NAA35: variants seen among roughly 807,000 people sequenced by gnomAD.
NAA35 encodes the protein MAK10 homolog, amino-acid N-acetyltransferase subunit.
NAA35 carries 18 observed loss-of-function variants against 101.7 expected under a neutral mutation model. That is an observed-to-expected ratio of 0.18 (90% CI 0.12 to 0.26). The LOEUF (loss-of-function observed/expected upper bound fraction) is 0.26, where lower values mean the gene tolerates loss of function less well. Ranked by LOEUF, NAA35 falls within the 10% of genes least tolerant of loss-of-function variation. The pLI, the probability that NAA35 is intolerant of heterozygous loss-of-function variation, is 1.00. For synonymous variants in NAA35, 267 were observed against 273.1 expected (o/e 0.98, Z 0.22); for missense variants, 601 against 886.8 (o/e 0.68, Z 4.09).
At chr9:85,986,691 T>C (rs1291816126) in intron 11 of NAA35, 2 of 311,958 alleles carry the variant, frequency 6.4e-6, no homozygotes, top group African/African-American at 4.6e-5. Flanking sequence ...TTCAAATGAT[T>C]CTCTTACCTC....
At chr9:85,950,013 G>A (rs1828943790) in intron 2 of NAA35, among the ~76,000 whole-genome samples, 2 of 152,124 alleles carry the variant, frequency 1.3e-5, no homozygotes, top group Non-Finnish European at 2.9e-5. Flanking sequence ...GATGTGTGAT[G>A]ATGTCATTGC....
intron 5 of NAA35, among the ~76,000 whole-genome samples, chr9:85,961,808 A>C (rs900058363): frequency 1.1e-4 from 17 of 152,172 alleles, no homozygotes; most frequent in African/African-American, 3.6e-4. Flanking sequence ...ATATGTTGCA[A>C]ACTGATTGAT....
chr9:86,012,112 T>C (rs1387488183), intron 15 of NAA35, among the ~76,000 whole-genome samples: 3 of 148,578 alleles, frequency 2.0e-5, no homozygotes, highest in Non-Finnish European at 4.4e-5. Flanking sequence ...ATTTTTAAAC[T>C]TTCCCTTTTT....
At chr9:86,002,400 C>G (rs908905462) in intron 12 of NAA35, among the ~76,000 whole-genome samples, 1 of 152,130 alleles carries the variant, frequency 6.6e-6, no homozygotes, top group African/African-American at 2.4e-5. Flanking sequence ...TGAATGTTGG[C>G]TTCTCTAGCA....
chr9:85,999,591 C>T (rs1831329096), intron 12 of NAA35, among the ~76,000 whole-genome samples: 1 of 152,146 alleles, frequency 6.6e-6, no homozygotes. Flanking sequence ...ATGGCCCATT[C>T]CAGGTACCTT....
chr9:85,962,980 A>G (rs1015687330), intron 6 of NAA35, among the ~76,000 whole-genome samples: 2 of 152,206 alleles, frequency 1.3e-5, no homozygotes, highest in East Asian at 1.9e-4. Flanking sequence ...ATAAGCTTTC[A>G]GACGCTGATA....
chr9:85,949,961 A>T (rs1347111240), intron 2 of NAA35, among the ~76,000 whole-genome samples: 1 of 151,878 alleles, frequency 6.6e-6, no homozygotes, highest in Admixed American at 6.6e-5. Flanking sequence ...TTTGACTGTT[A>T]CTCTCTTGTT....
At chr9:85,978,242 A>T in intron 10 of NAA35, 25 bp from the exon 11 acceptor site, 3 of 1,343,874 alleles carry the variant, frequency 2.2e-6, no homozygotes, top group Non-Finnish European at 3.2e-6. Context: ...ATATGTAAGA[A>T]TGTTTTTGGT....
chr9:85,956,391 G>A lies in NAA35; in HGVS notation c.156G>A (p.Lys52=). The change falls in exon 3 of 23, where the codon AAG becomes AAA. Residue 52 remains lysine (K), a splice_region_variant and synonymous_variant. Transcript: ENST00000361671. ...ELKLGELLHD[K]LFGLFEAMSA... ...AGTTGGGAGAACTACTTCATGATAA[G>A]CTGTAAGTATTTATCCTTTGAAAAT... 2 of 1,407,936 alleles carry A rather than the reference G, an allele frequency of 1.4e-6. No homozygotes were observed. The highest frequency in any genetic ancestry group is 1.9e-6 in the Non-Finnish European group (2 of 1,040,038). The allele number at this position is 1,407,936 out of a possible 1,614,324, so 87.2% of individuals were successfully genotyped here. A position where few individuals can be genotyped will look rare whatever the true frequency, so the allele number is the denominator to read the frequency against.
At chr9:85,963,400 A>C (rs1241960708) in intron 6 of NAA35, among the ~76,000 whole-genome samples, 1 of 150,004 alleles carries the variant, frequency 6.7e-6, no homozygotes, top group Non-Finnish European at 1.5e-5. Flanking sequence ...CCTCCCGGGT[A>C]GCTGGGATTA....
At chr9:86,020,345 A>G (rs866987162) in intron 21 of NAA35, among the ~76,000 whole-genome samples, 3 of 152,300 alleles carry the variant, frequency 2.0e-5, no homozygotes, top group Middle Eastern at 6.8e-3. Flanking sequence ...TGTGCTCCTA[A>G]TACTATGCTG....
intron 22 of NAA35, 42 bp downstream of exon 22, chr9:86,021,011 T>C: frequency 7.0e-7 from 1 of 1,427,832 alleles, no homozygotes. Flanking sequence ...TAGATTATTG[T>C]GAAGTTTCAT....
In NAA35 at chr9:85,972,173, T is replaced by G. The variant is rs138988996; in HGVS notation, c.517-2794T>G. Among the ~76,000 whole-genome samples, 1,074 of 152,240 alleles carry G rather than the reference T, an allele frequency of 7.1e-3. 15 individuals are homozygous for G. Among genetic ancestry groups the G allele is most frequent in the African/African-American group, 0.024 (1,004 of 41,524 alleles). ...ATAAGTTTTATGGATATTTTTGTTT[T>G]GTTGTTTTTCCTCCACAGTGTTTGT... is the stretch of plus-strand genomic sequence containing the variant. On this transcript the variant is annotated intron_variant, in intron 6 of 22. Coordinates refer to ENST00000361671, the MANE Select transcript of NAA35 (RefSeq NM_024635.4).
chr9:85,959,705 A>G, intron 4 of NAA35, 88 bp from the exon 5 acceptor site: 1 of 799,838 alleles, frequency 1.3e-6, no homozygotes, highest in Non-Finnish European at 2.0e-6. Flanking sequence ...TAAATATTGA[A>G]TGTTAGAAAT....
At chr9:85,995,290 ATAAT>A (rs1831107989) in intron 11 of NAA35, among the ~76,000 whole-genome samples, 2 of 150,138 alleles carry the variant, frequency 1.3e-5, no homozygotes, top group Non-Finnish European at 3.0e-5. Context: ...TTTATTTAAA[ATAAT>A]TATTTAAATT....
intron 11 of NAA35, among the ~76,000 whole-genome samples, chr9:85,982,847 A>G (rs374928489): frequency 2.0e-5 from 3 of 152,210 alleles, no homozygotes; most frequent in East Asian, 3.8e-4. Context: ...AATAGCAACA[A>G]AATTATTTTA....
At chr9:85,976,506 CT>C (rs757035669) in intron 8 of NAA35, among the ~76,000 whole-genome samples, 178 bp from the exon 9 acceptor site, 1 of 151,982 alleles carries the variant, frequency 6.6e-6, no homozygotes, top group Non-Finnish European at 1.5e-5. Flanking sequence ...TCAAAATGAC[CT>C]TTCTGTGTAT....
intron 6 of NAA35, among the ~76,000 whole-genome samples, chr9:85,964,451 A>G (rs1829659453): frequency 6.6e-6 from 1 of 152,188 alleles, no homozygotes; most frequent in African/African-American, 2.4e-5. Flanking sequence ...ACAAATCTGT[A>G]ATAACAATGC....
intron 11 of NAA35, among the ~76,000 whole-genome samples, chr9:85,991,980 C>G (rs1009601576): frequency 3.3e-5 from 5 of 152,038 alleles, no homozygotes; most frequent in African/African-American, 9.7e-5. Context: ...CAAGACTATC[C>G]TGGCTAACGC....
Sources: allele counts gnomAD v4.1 joint callset (sites outside exome capture counted in the v4.1 genomes callset), GRCh38; gene constraint gnomAD v4.1.1; transcripts MANE v1.5; gene names NCBI Gene and HGNC (gene_info 2026-07-23, HGNC 2026-07-21).